MYO10: variants seen among roughly 807,000 people sequenced by gnomAD.
MYO10 encodes myosin X.
A neutral mutation model predicts 257.3 loss-of-function variants in MYO10; 133 were observed. The ratio of observed to expected loss-of-function variants is 0.52; its 90% CI spans 0.45 to 0.60. The LOEUF is 0.60. MYO10 is among the 20% of genes least tolerant of loss of function. The pLI is 0.00. For synonymous variants in MYO10, 1,104 were observed against 1,028.6 expected, an observed-to-expected ratio of 1.07 and a Z score of -1.40; for missense variants, 2,399 against 2,635.7, an observed-to-expected ratio of 0.91 and a Z score of 1.97.
At chr5:16,787,629 A>C (rs1460405069) in intron 4 of MYO10, among the ~76,000 whole-genome samples, 3 of 150,338 alleles carry the variant, frequency 2.0e-5, no homozygotes, top group African/African-American at 5.0e-5. Flanking sequence ...AAAAAAAAAA[A>C]AAAAACTTTC....
chr5:16,829,783 C>A (rs973771818), intron 2 of MYO10, among the ~76,000 whole-genome samples: 5 of 152,086 alleles, frequency 3.3e-5, no homozygotes, highest in African/African-American at 1.2e-4. Context: ...TACTCAGCAA[C>A]CAGAAAGGCC....
chr5:16,843,238 T>A (rs375050879), intron 2 of MYO10, among the ~76,000 whole-genome samples: 4 of 152,148 alleles, frequency 2.6e-5, no homozygotes, highest in Non-Finnish European at 5.9e-5. Flanking sequence ...CCACGCCCCA[T>A]TCTCCCCTTC....
chr5:16,918,678 T>G (rs983804961), intron 1 of MYO10, among the ~76,000 whole-genome samples: 2 of 151,834 alleles, frequency 1.3e-5, no homozygotes, highest in East Asian at 3.9e-4. Context: ...TTTTTGTATT[T>G]TAAGTAGAGA....
Position 16,846,052 on chromosome 5 carries a change from C to T in MYO10, c.121-27885G>A, listed in dbSNP as rs971380892. On this transcript the variant is annotated intron_variant, in intron 2 of 40. Transcript: ENST00000513610. ...AATGGGACAACTCTATGTTGGTCTC[C>T]TATAATTCCCAGATGCTCAAATCCA... Among the ~76,000 whole-genome samples, 5 of 152,128 alleles carry T rather than the reference C, an allele frequency of 3.3e-5. No individual in the cohort carries two copies. The South Asian group carries it at 6.2e-4, about 19-fold the overall frequency.
intron 18 of MYO10, among the ~76,000 whole-genome samples, chr5:16,756,535 C>T (rs1233962429): frequency 6.6e-6 from 1 of 152,166 alleles, no homozygotes; most frequent in East Asian, 1.9e-4. Context: ...CTGAACACTA[C>T]ATGGATTAAT....
chr5:16,780,684 T>C (rs1164963096), intron 7 of MYO10, 44 bp downstream of exon 7: 3 of 1,550,692 alleles, frequency 1.9e-6, no homozygotes, highest in Admixed American at 1.9e-5. Context: ...TTTCTGAAAA[T>C]TGTTATTATG....
intron 3 of MYO10, among the ~76,000 whole-genome samples, chr5:16,814,019 ACGACACAATGAGCAGGAAACGGAT>A (rs1742522302): frequency 6.6e-6 from 1 of 152,246 alleles, no homozygotes; most frequent in Non-Finnish European, 1.5e-5. Context: ...AATTCAGCCA[ACGACACAATGAGCAGGAAACGGAT>A]CCTCCTCTAG....
intron 1 of MYO10, among the ~76,000 whole-genome samples, chr5:16,892,626 G>A (rs1267961893): frequency 6.6e-6 from 1 of 151,258 alleles, no homozygotes; most frequent in South Asian, 2.1e-4. Flanking sequence ...CTGGGTGACA[G>A]AGCGAGAGCC....
At chr5:16,900,649 C>G (rs1745350790) in intron 1 of MYO10, among the ~76,000 whole-genome samples, 1 of 152,030 alleles carries the variant, frequency 6.6e-6, no homozygotes, top group South Asian at 2.1e-4. Context: ...TCCAATTCCT[C>G]TCCCTAGTCC....
chr5:16,667,086 C>T (rs1002787050), intron 40 of MYO10, among the ~76,000 whole-genome samples: 2 of 152,192 alleles, frequency 1.3e-5, no homozygotes, highest in South Asian at 2.1e-4. Context: ...TAACCGAGGA[C>T]GCTGAAGTTA....
At chr5:16,922,410 AAAC>A (rs1438888649) in intron 1 of MYO10, among the ~76,000 whole-genome samples, 1 of 152,212 alleles carries the variant, frequency 6.6e-6, no homozygotes, top group East Asian at 1.9e-4. Flanking sequence ...CAGAGAGATA[AAAC>A]AACAACAGTA....
chr5:16,699,612 C>A (rs1339062269), intron 25 of MYO10, 39 bp from the exon 26 acceptor site: 1 of 1,610,990 alleles, frequency 6.2e-7, no homozygotes, highest in Admixed American at 1.7e-5. Flanking sequence ...AGGGAAAAGG[C>A]CACAAAGCAA....
chr5:16,851,617 G>A (rs956333430), intron 2 of MYO10, among the ~76,000 whole-genome samples: 5 of 152,156 alleles, frequency 3.3e-5, no homozygotes, highest in African/African-American at 1.2e-4. Flanking sequence ...TCCTTTTGAG[G>A]ATGAAGGATG....
chr5:16,845,338 C>T (rs370453500), intron 2 of MYO10, among the ~76,000 whole-genome samples: 9 of 152,022 alleles, frequency 5.9e-5, no homozygotes, highest in Non-Finnish European at 1.3e-4. Flanking sequence ...AGCTGTCCCA[C>T]GATTATGTCC....
chr5:16,699,710 C>A, intron 25 of MYO10, 137 bp from the exon 26 acceptor site: 1 of 1,165,200 alleles, frequency 8.6e-7, no homozygotes, highest in East Asian at 2.7e-5. Flanking sequence ...TCACTCGAAC[C>A]CAGGAGGCAG....
At chr5:16,834,452 G>A (rs146587453) in intron 2 of MYO10, among the ~76,000 whole-genome samples, 2 of 152,222 alleles carry the variant, frequency 1.3e-5, no homozygotes, top group East Asian at 1.9e-4. Context: ...CACCACCCTC[G>A]TATGGATCAA....
chr5:16,821,748 G>A (rs891700080), intron 2 of MYO10, among the ~76,000 whole-genome samples: 1 of 151,724 alleles, frequency 6.6e-6, no homozygotes, highest in Non-Finnish European at 1.5e-5. Flanking sequence ...TTACAGGCGT[G>A]AGCCACCGCG....
Position 16,676,046 on chromosome 5 carries a change from C to T in MYO10, c.4651G>A (p.Asp1551Asn). Residue 1551 changes from aspartate (D) to asparagine (N), a missense_variant, in exon 34 of 41, where the codon GAC (aspartate) becomes AAC (asparagine). Asp to Asn is a conservative substitution (Grantham distance 23). Transcript: ENST00000513610. ...HSPLLPLPYG[D>N]INLNLLKDKG... ...CTGGACTTACAGTTGAGATTTATGT[C>T]CCCATACGGAAGGGGCAGGAGCGGG... The T allele has an allele frequency of 1.2e-6, 2 of 1,609,264 alleles. No homozygotes were observed. The highest frequency in any genetic ancestry group is 2.2e-5 in the East Asian group (1 of 44,558).
chr5:16,718,426 G>T (rs1185658707), intron 19 of MYO10, among the ~76,000 whole-genome samples: 1 of 152,254 alleles, frequency 6.6e-6, no homozygotes, highest in African/African-American at 2.4e-5. Flanking sequence ...TGAGTCTGGT[G>T]GGGACGTGGA....
Sources: gnomAD v4.1 joint callset for allele counts (sites outside exome capture counted in the v4.1 genomes callset) on GRCh38, gnomAD v4.1.1 for gene constraint, MANE v1.5 for transcripts, NCBI Gene and HGNC (gene_info 2026-07-23, HGNC 2026-07-21) for gene names.